NR6A1: variants seen among roughly 807,000 people sequenced by gnomAD.
NR6A1 encodes the protein retinoic acid receptor-related testis-associated receptor.
A neutral mutation model predicts 59.1 loss-of-function variants in NR6A1; 7 were observed. That is an observed-to-expected ratio of 0.12 (90% CI 0.07 to 0.22). NR6A1 has a LOEUF of 0.22. NR6A1 is among the 10% of genes least tolerant of loss of function. NR6A1 has a pLI of 1.00. For missense variants in NR6A1, 468 were observed against 611.6 expected (o/e 0.77, Z 2.48); for synonymous variants, 243 against 236.1 (o/e 1.03, Z -0.27).
At chr9:124,686,020 T>C (rs1046287346) in intron 2 of NR6A1, among the ~76,000 whole-genome samples, 1 of 152,184 alleles carries the variant, frequency 6.6e-6, no homozygotes, top group Non-Finnish European at 1.5e-5. Flanking sequence ...AAAGGCAACA[T>C]TAAAAAGCAT....
rs2131304164 is a variant in NR6A1 at position 124,518,841 on chromosome 9, A to G, written c.*3864T>C. ...TGGTCTGAAAGACTGGATTCTTAAA[A>G]TAATTGCAAAAATTTCAAAAGCAAC... On this transcript the variant is annotated 3_prime_UTR_variant, in exon 10 of 10. Transcript: ENST00000487099. 1 of 152,270 alleles carries G rather than the reference A, an allele frequency of 6.6e-6. No homozygotes were observed. The highest frequency in any genetic ancestry group is 2.1e-4 in the South Asian group (1 of 4,818). 9.4% of individuals were successfully genotyped at this position (152,270 alleles called of 1,614,324 possible).
chr9:124,664,604 T>C (rs1392948877), intron 2 of NR6A1, among the ~76,000 whole-genome samples: 2 of 152,138 alleles, frequency 1.3e-5, no homozygotes, highest in African/African-American at 4.8e-5. Flanking sequence ...GATAAATAAA[T>C]AGATAATGAA....
In NR6A1 at chr9:124,518,910, G is replaced by C. The variant is rs1832742412; in HGVS notation, c.*3795C>G. 1 of 152,174 alleles carries C rather than the reference G, an allele frequency of 6.6e-6. No individual in the cohort carries two copies. Among genetic ancestry groups the C allele is most frequent in the South Asian group, 2.1e-4 (1 of 4,828 alleles). The allele number at this position is 152,174 out of a possible 1,614,324, so 9.4% of individuals were successfully genotyped here. A position where few individuals can be genotyped will look rare whatever the true frequency, so the allele number is the denominator to read the frequency against. ...CCAGGGGCCCAGAGAGGAGGGCCTG[G>C]AACCACAGCTCAGCTTTCTGTCCTG... On this transcript the variant is annotated 3_prime_UTR_variant, in exon 10 of 10. Coordinates refer to ENST00000487099, the MANE Select transcript of NR6A1 (RefSeq NM_033334.4).
intron 2 of NR6A1, among the ~76,000 whole-genome samples, chr9:124,555,521 CAGG>C: frequency 6.6e-6 from 1 of 152,312 alleles, no homozygotes; most frequent in South Asian, 2.1e-4. Context: ...GAGGCTGAAG[CAGG>C]AGGACTGCTT....
intron 2 of NR6A1, among the ~76,000 whole-genome samples, chr9:124,684,423 T>C (rs968237549): frequency 3.9e-5 from 6 of 152,220 alleles, no homozygotes; most frequent in African/African-American, 1.4e-4. Flanking sequence ...TGATTCCTGG[T>C]GCCACTCTTG....
At chr9:124,750,283 A>G (rs1246464294) in intron 1 of NR6A1, among the ~76,000 whole-genome samples, 4 of 152,196 alleles carry the variant, frequency 2.6e-5, no homozygotes, top group Admixed American at 2.0e-4. Context: ...CCCATTCCAC[A>G]TGGAGTTCTG....
intron 7 of NR6A1, among the ~76,000 whole-genome samples, chr9:124,529,025 G>A (rs766196223): frequency 7.2e-5 from 11 of 152,174 alleles, no homozygotes; most frequent in African/African-American, 2.2e-4. Flanking sequence ...AATCTGGAAC[G>A]TTGACCTTCG....
At chr9:124,612,788 C>CT (rs886399638) in intron 2 of NR6A1, among the ~76,000 whole-genome samples, 2 of 143,782 alleles carry the variant, frequency 1.4e-5, no homozygotes, top group African/African-American at 5.0e-5. Flanking sequence ...GTTTTTCTTT[C>CT]TTTCTTTTCT....
At position 124,554,347 on chromosome 9, in the gene NR6A1, C is replaced by A; in HGVS notation, c.366G>T (p.Gln122His). 6.2e-7 allele frequency: 1 copy of A among 1,614,208 alleles called. No homozygotes were observed. Among genetic ancestry groups the A allele is most frequent in the African/African-American group, 1.3e-5 (1 of 75,054 alleles). Residue 122 changes from glutamine (Q) to histidine (H), a missense_variant, in exon 3 of 10, where the codon CAG (glutamine) becomes CAT (histidine). Gln to His is a conservative substitution (Grantham distance 24). This residue lies in a region of NR6A1 where 66 missense variants were observed against 139.2 expected (regional missense o/e 0.47). Coordinates refer to ENST00000487099, the MANE Select transcript of NR6A1 (RefSeq NM_033334.4). ...CQYCRLLKCLQMGMNRKAIRE... is the reference protein window; with the variant it reads ...CQYCRLLKCLHMGMNRKAIRE... ...ACTCACCCTTCCGGTTCATCCCCAT[C>A]TGGAGGCATTTGAGCAGGCGGCAGT... is the stretch of plus-strand genomic sequence containing the variant.
chr9:124,567,122 A>G (rs569999453), intron 2 of NR6A1, among the ~76,000 whole-genome samples: 7 of 151,516 alleles, frequency 4.6e-5, no homozygotes, highest in African/African-American at 1.5e-4. Flanking sequence ...AAAAAAAAAT[A>G]AATAAAAATA....
At chr9:124,736,901 AAGT>A (rs1179029873) in intron 1 of NR6A1, among the ~76,000 whole-genome samples, 1 of 152,182 alleles carries the variant, frequency 6.6e-6, no homozygotes, top group Admixed American at 6.5e-5. Flanking sequence ...GTACTTGACA[AAGT>A]AAGACCTCTA....
chr9:124,602,970 C>CT (rs1316300807), intron 2 of NR6A1, among the ~76,000 whole-genome samples: 4 of 152,328 alleles, frequency 2.6e-5, no homozygotes, highest in African/African-American at 9.6e-5. Flanking sequence ...TGGAATAACT[C>CT]TTTTCACTAT....
intron 2 of NR6A1, among the ~76,000 whole-genome samples, chr9:124,574,257 G>C (rs1834528064): frequency 6.6e-6 from 1 of 152,170 alleles, no homozygotes; most frequent in African/African-American, 2.4e-5. Flanking sequence ...TGTCATATTA[G>C]AAATTATGAC....
intron 2 of NR6A1, among the ~76,000 whole-genome samples, chr9:124,578,125 T>C (rs1834658677): frequency 6.6e-6 from 1 of 152,228 alleles, no homozygotes. Flanking sequence ...CAGTCTCTTT[T>C]ACTGAGTACT....
intron 2 of NR6A1, among the ~76,000 whole-genome samples, chr9:124,709,635 G>A (rs1055207592): frequency 2.0e-5 from 3 of 152,106 alleles, no homozygotes; most frequent in African/African-American, 7.2e-5. Flanking sequence ...AGCCCCAAGA[G>A]AAAACAAATA....
rs1490972135 is a variant in NR6A1 at position 124,601,441 on chromosome 9, G to A, written c.143-46871C>T. 1.9e-4 allele frequency among the ~76,000 whole-genome samples: 29 copies of A among 150,920 alleles called. 1 individual carries two copies. Among genetic ancestry groups the A allele is most frequent in the South Asian group, 6.3e-4 (3 of 4,746 alleles). On this transcript the variant is annotated intron_variant, in intron 2 of 9. Transcript: ENST00000487099. Reference sequence around the variant, plus strand: ...CTACTAAAAATACAAAAGATTAGCCGGGCGTCATGGCGGGCGCCTGTAGTC... The same window carrying A: ...CTACTAAAAATACAAAAGATTAGCCAGGCGTCATGGCGGGCGCCTGTAGTC...
chr9:124,712,039 T>G lies in NR6A1; in HGVS notation c.142+21269A>C, dbSNP rs1157152675. Among the ~76,000 whole-genome samples the G allele has an allele frequency of 1.8e-4, 27 of 152,196 alleles. 1 individual carries two copies. Among genetic ancestry groups the G allele is most frequent in the Admixed American group, 1.7e-3 (26 of 15,286 alleles). ...AGTTTTGCAAGCACAGGTTTTCTAT[T>G]TTTCAGTCTGAGTGCTCTTCCCTCT... On this transcript the variant is annotated intron_variant, in intron 2 of 9. Coordinates refer to ENST00000487099, the MANE Select transcript of NR6A1 (RefSeq NM_033334.4).
rs1832770668 is a variant in NR6A1, at chr9:124,520,178, C to T, written c.*2527G>A. 6.6e-6 allele frequency: 1 copy of T among 152,142 alleles called. No individual in the cohort carries two copies. The highest frequency in any genetic ancestry group is 1.5e-5 in the Non-Finnish European group (1 of 68,034). 9.4% of individuals were successfully genotyped at this position (152,142 alleles called of 1,614,324 possible). A position where few individuals can be genotyped will look rare whatever the true frequency, so the allele number is the denominator to read the frequency against. ...CCTAATGTCTCCACGCTGCTAGCTA[C>T]ACTCCTACCTTCTCCTCATAATACC... On this transcript the variant is annotated 3_prime_UTR_variant, in exon 10 of 10. Coordinates refer to ENST00000487099, the MANE Select transcript of NR6A1 (RefSeq NM_033334.4).
chr9:124,538,856 T>C (rs906906995), intron 5 of NR6A1, among the ~76,000 whole-genome samples: 2 of 151,872 alleles, frequency 1.3e-5, no homozygotes, highest in Non-Finnish European at 2.9e-5. Context: ...AGGTAGATTT[T>C]TGCCTTCCTT....
Sources: allele counts gnomAD v4.1 joint callset (sites outside exome capture counted in the v4.1 genomes callset), GRCh38; gene constraint gnomAD v4.1.1; regional missense constraint gnomAD v4.1.1; transcripts MANE v1.5; gene names NCBI Gene and HGNC (gene_info 2026-07-23, HGNC 2026-07-21).